LIMA1: variants seen among roughly 807,000 people sequenced by gnomAD.
LIMA1 encodes the protein LIM domain and actin-binding protein 1.
In LIMA1, 52 loss-of-function variants were observed where a neutral mutation model predicts 62.6. The ratio of observed to expected loss-of-function variants is 0.83; its 90% CI spans 0.67 to 1.05. The LOEUF (loss-of-function observed/expected upper bound fraction) is 1.05, where lower values mean the gene tolerates loss of function less well. LIMA1 is among the 50% of genes least tolerant of loss of function. The pLI is 0.00. For synonymous variants in LIMA1, 302 were observed against 317.8 expected, an observed-to-expected ratio of 0.95 and a Z score of 0.53; for missense variants, 780 against 902.2, an observed-to-expected ratio of 0.86 and a Z score of 1.74.
At chr12:50,193,595 TATATATATACATGTATATATATATAC>T (rs1940847167) in intron 8 of LIMA1, among the ~76,000 whole-genome samples, 2 of 18,678 alleles carry the variant, frequency 1.1e-4, no homozygotes, top group South Asian at 3.2e-3. Context: ...GTATATATGA[TATATATATACATGTATATATATATAC>T]ATATATATAC....
At chr12:50,263,812 T>TCTATATATATATATAGAGAGA (rs1942100615) in intron 1 of LIMA1, among the ~76,000 whole-genome samples, 2 of 141,292 alleles carry the variant, frequency 1.4e-5, no homozygotes, top group Non-Finnish European at 3.0e-5. Context: ...TGTGTGTGTG[T>TCTATATATATATATAGAGAGA]GTCTATATAT....
At chr12:50,278,213 G>A (rs1942297494) in intron 1 of LIMA1, among the ~76,000 whole-genome samples, 1 of 152,158 alleles carries the variant, frequency 6.6e-6, no homozygotes. Flanking sequence ...AAGGTCAGGA[G>A]ATTGAGACCA....
intron 4 of LIMA1, among the ~76,000 whole-genome samples, chr12:50,221,480 CTA>C (rs1941439108): frequency 6.6e-6 from 1 of 152,180 alleles, no homozygotes. Context: ...AAAGCTATAG[CTA>C]GTCTGGCTAT....
intron 3 of LIMA1, among the ~76,000 whole-genome samples, chr12:50,228,568 A>G (rs1465208800): frequency 6.6e-6 from 1 of 152,222 alleles, no homozygotes; most frequent in Non-Finnish European, 1.5e-5. Flanking sequence ...CTAAGTCATG[A>G]GACCACTTCT....
chr12:50,280,247 C>T (rs1219761690), intron 1 of LIMA1, among the ~76,000 whole-genome samples: 1 of 149,672 alleles, frequency 6.7e-6, no homozygotes, highest in African/African-American at 2.5e-5. Flanking sequence ...CTCCGCCTCC[C>T]GGGTTCACGC....
At chr12:50,249,239 G>A (rs960100327) in intron 1 of LIMA1, among the ~76,000 whole-genome samples, 5 of 152,182 alleles carry the variant, frequency 3.3e-5, no homozygotes, top group East Asian at 1.9e-4. Context: ...AGCTGGGGGC[G>A]CAGCGTGGTG....
At chr12:50,226,012 C>T (rs1347160103) in intron 3 of LIMA1, among the ~76,000 whole-genome samples, 4 of 152,082 alleles carry the variant, frequency 2.6e-5, no homozygotes, top group Non-Finnish European at 5.9e-5. Flanking sequence ...CATGTTTTTA[C>T]ACTGTTACTT....
At chr12:50,252,527 G>A (rs961038939) in intron 1 of LIMA1, among the ~76,000 whole-genome samples, 11 of 144,616 alleles carry the variant, frequency 7.6e-5, no homozygotes, top group Admixed American at 7.2e-4. Context: ...GTTGCAGTGA[G>A]CCGAGATTGC....
rs563617547 is a variant in LIMA1 at position 50,197,632 on chromosome 12, T to A, written c.973-1745A>T. Reference sequence around the variant, plus strand: ...AATTAAAATGTTCTAATCTTCCAGTTCAGTTCAGAGTTCCAGTTTCAAATC... The same window carrying A: ...AATTAAAATGTTCTAATCTTCCAGTACAGTTCAGAGTTCCAGTTTCAAATC... On this transcript the variant is annotated intron_variant, in intron 7 of 10. Transcript: ENST00000341247. 2.2e-4 allele frequency among the ~76,000 whole-genome samples: 33 copies of A among 152,292 alleles called. No individual in the cohort carries two copies. In the South Asian group the frequency reaches 6.8e-3, roughly 32 times the overall value.
chr12:50,279,729 A>G (rs1415292756), intron 1 of LIMA1, among the ~76,000 whole-genome samples: 2 of 152,216 alleles, frequency 1.3e-5, no homozygotes, highest in East Asian at 3.8e-4. Context: ...GGACCGTTAG[A>G]CAGAAACCAC....
At chr12:50,266,377 A>T (rs1369223020) in intron 1 of LIMA1, among the ~76,000 whole-genome samples, 1 of 152,220 alleles carries the variant, frequency 6.6e-6, no homozygotes, top group East Asian at 1.9e-4. Context: ...ATGTTTTAGA[A>T]ATACAATGGT....
intron 3 of LIMA1, among the ~76,000 whole-genome samples, chr12:50,226,553 A>C (rs1565849154): frequency 6.6e-6 from 1 of 152,090 alleles, no homozygotes; most frequent in East Asian, 1.9e-4. Flanking sequence ...AATGAAAAAA[A>C]GATTTCACTG....
intron 2 of LIMA1, among the ~76,000 whole-genome samples, chr12:50,233,645 T>C (rs1293894082): frequency 1.3e-5 from 2 of 152,194 alleles, no homozygotes; most frequent in East Asian, 3.8e-4. Context: ...TACCCCAGCC[T>C]CTCAAGTAGC....
At position 50,176,391 on chromosome 12, in the gene LIMA1, C is replaced by T. The variant is rs1476769500; in HGVS notation, c.*673G>A. On this transcript the variant is annotated 3_prime_UTR_variant, in exon 11 of 11. Transcript: ENST00000341247. ...AAAGCTTATTTGGGAGACAGCAGAT[C>T]TCTCTAAGCACCGAAGAGTGTAGGT... 1 of 152,174 alleles carries T rather than the reference C, an allele frequency of 6.6e-6. No individual in the cohort carries two copies. Among genetic ancestry groups the T allele is most frequent in the Non-Finnish European group, 1.5e-5 (1 of 68,046 alleles). 9.4% of individuals were successfully genotyped at this position (152,174 alleles called of 1,614,324 possible). A position where few individuals can be genotyped will look rare whatever the true frequency, so the allele number is the denominator to read the frequency against.
At chr12:50,252,872 A>G (rs1049897271) in intron 1 of LIMA1, among the ~76,000 whole-genome samples, 11 of 152,236 alleles carry the variant, frequency 7.2e-5, no homozygotes, top group Non-Finnish European at 1.0e-4. Context: ...CTAACATCAT[A>G]TTTTAAAATA....
intron 4 of LIMA1, among the ~76,000 whole-genome samples, chr12:50,212,944 A>G (rs1453044528): frequency 6.6e-6 from 1 of 152,084 alleles, no homozygotes; most frequent in African/African-American, 2.4e-5. Flanking sequence ...GCTTCTGAGT[A>G]GCTGGGATTT....
intron 3 of LIMA1, among the ~76,000 whole-genome samples, chr12:50,224,797 A>C (rs1257305201): frequency 1.3e-5 from 2 of 151,906 alleles, no homozygotes; most frequent in African/African-American, 4.8e-5. Context: ...TGGTGTAATC[A>C]TAGCTCACTG....
intron 6 of LIMA1, chr12:50,201,135 C>T: frequency 2.5e-6 from 3 of 1,220,882 alleles, no homozygotes; most frequent in Non-Finnish European, 3.1e-6. Context: ...AGAATACAGA[C>T]ACATCAACAC....
chr12:50,184,817 GTTTTTTGTT>G (rs894447747), intron 9 of LIMA1, among the ~76,000 whole-genome samples: 2 of 151,962 alleles, frequency 1.3e-5, no homozygotes, highest in African/African-American at 4.8e-5. Context: ...GGAATTCTGC[GTTTTTTGTT>G]TTTTTTGTTT....
Sources: gnomAD v4.1 joint callset for allele counts (sites outside exome capture counted in the v4.1 genomes callset) on GRCh38, gnomAD v4.1.1 for gene constraint, MANE v1.5 for transcripts, NCBI Gene and HGNC (gene_info 2026-07-23, HGNC 2026-07-21) for gene names.